The following LRCH4 variants were observed in gnomAD, a reference collection of about 807,000 sequenced individuals.
LRCH4 encodes the protein leucine rich repeats and calponin homology domain containing 4, also known as leucine-rich repeat and calponin homology domain-containing protein 4.
A neutral mutation model predicts 81.2 loss-of-function variants in LRCH4; 56 were observed. That is an observed-to-expected ratio of 0.69 (90% CI 0.56 to 0.86). The LOEUF (loss-of-function observed/expected upper bound fraction) is 0.86. LRCH4 is among the 40% of genes least tolerant of loss of function. LRCH4 has a pLI of 0.00. For missense variants in LRCH4, 895 were observed against 922.8 expected, an observed-to-expected ratio of 0.97 and a Z score of 0.39; for synonymous variants, 442 against 409.7, an observed-to-expected ratio of 1.08 and a Z score of -0.95.
rs374012289 is a variant in LRCH4 at position 100,577,550 on chromosome 7, T to G, written c.1125A>C (p.Arg375=). The G allele has an allele frequency of 9.9e-6, 16 of 1,610,594 alleles. No homozygotes were observed. The African/African-American group carries it at 1.7e-4, about 17-fold the overall frequency. ...CTGCCCCAGGGCTTAATTCGGGTGG[T>G]CGCTGCTCCTAAGGAGAGAACAGCA... ...DEERGTVEEQ[R]PPELSPGAGD... The change falls in exon 10 of 18, where the codon CGA becomes CGC. Residue 375 remains arginine (R), a synonymous_variant. Coordinates refer to ENST00000310300, the MANE Select transcript of LRCH4 (RefSeq NM_002319.5). This position sits in a 1 kb window ranked among gnomAD's most constrained non-coding sequence, Gnocchi z 6.7.
rs1041258314 is a variant in LRCH4 at position 100,575,511 on chromosome 7, A to G, written c.1854+194T>C. On this transcript the variant is annotated intron_variant, in intron 17 of 17. Coordinates refer to ENST00000310300, the MANE Select transcript of LRCH4 (RefSeq NM_002319.5). The surrounding 1 kb of genome is among the most constrained non-coding windows in gnomAD (Gnocchi z 5.3). ...ACATGCAGGACAAGATGGGGCCTGC[A>G]GGGCAGGGGATGTGTAGGACAGGTG... 3.5e-6 allele frequency: 3 copies of G among 854,280 alleles called. No individual in the cohort carries two copies. Among genetic ancestry groups the G allele is most frequent in the Non-Finnish European group, 3.9e-6 (2 of 507,152 alleles). 52.9% of individuals were successfully genotyped at this position (854,280 alleles called of 1,614,324 possible).
At position 100,579,026 on chromosome 7, in the gene LRCH4, G is replaced by A. The variant is rs1189592625; in HGVS notation, c.599-240C>T. The A allele has an allele frequency of 7.4e-6, 4 of 541,892 alleles. No homozygotes were observed. In the Admixed American group the frequency reaches 1.4e-4, roughly 19 times the overall value. The allele number at this position is 541,892 out of a possible 1,614,324, so 33.6% of individuals were successfully genotyped here. On this transcript the variant is annotated intron_variant, in intron 4 of 17. Coordinates refer to ENST00000310300, the MANE Select transcript of LRCH4 (RefSeq NM_002319.5). ...TCTGGACGTCAGCTCAGCTTCCCCG[G>A]GAAGGCCCATCCGGACGTCAGGTCC...
At chr7:100,580,783 A>T (rs771965237) in intron 4 of LRCH4, 1 of 128,240 alleles carries the variant, frequency 7.8e-6, no homozygotes, top group South Asian at 2.3e-4. Flanking sequence ...CAACACACGA[A>T]CAGACACAGA....
At chr7:100,581,057 G>A (rs547188293) in intron 4 of LRCH4, among the ~76,000 whole-genome samples, 3 of 152,348 alleles carry the variant, frequency 2.0e-5, no homozygotes, top group African/African-American at 7.2e-5. Context: ...ATCTCCGGGA[G>A]GAGTGGCGGA....
Position 100,578,595 on chromosome 7 carries a change from C to A in LRCH4, c.735+55G>T. The A allele has an allele frequency of 6.2e-7, 1 of 1,602,990 alleles. No homozygotes were observed. The highest frequency in any genetic ancestry group is 1.3e-5 in the African/African-American group (1 of 74,906). On this transcript the variant is annotated intron_variant, in intron 5 of 17. Coordinates refer to ENST00000310300, the MANE Select transcript of LRCH4 (RefSeq NM_002319.5). This position sits in a 1 kb window ranked among gnomAD's most constrained non-coding sequence, Gnocchi z 5.7. Reference sequence around the variant, plus strand: ...GCTCAGCTATCCAAGGGGACCAACCCCACTCCTGCCTAGCCACACCCCTGT... The same window carrying A: ...GCTCAGCTATCCAAGGGGACCAACCACACTCCTGCCTAGCCACACCCCTGT...
rs1801632567 is a variant in LRCH4, at chr7:100,583,761, GGA to G, written c.221-1304_221-1303del. Among the ~76,000 whole-genome samples the G allele has an allele frequency of 6.6e-6, 1 of 152,146 alleles. No homozygotes were observed. The highest frequency in any genetic ancestry group is 1.5e-5 in the Non-Finnish European group (1 of 68,028). ...GATGACCGTTCTGGAGAGGGTGGGG[GGA>G]TGGCATTTGCCCCTCCCAGCCTCGC... On this transcript the variant is annotated intron_variant, in intron 1 of 17. Coordinates refer to ENST00000310300, the MANE Select transcript of LRCH4 (RefSeq NM_002319.5). The surrounding 1 kb of genome is among the most constrained non-coding windows in gnomAD (Gnocchi z 4.3).
In LRCH4 at chr7:100,577,765, G is replaced by C. The variant is rs762193280; in HGVS notation, c.1040-25C>G. On this transcript the variant is annotated intron_variant, in intron 8 of 17. Transcript: ENST00000310300. The surrounding 1 kb of genome is among the most constrained non-coding windows in gnomAD (Gnocchi z 6.7). ...GCTGGGGAGGCCAGCATGTCAGCAA[G>C]TGAGCGGGGACCCAGGCCCTGGTCC... is the stretch of plus-strand genomic sequence containing the variant. The C allele has an allele frequency of 8.7e-6, 14 of 1,613,916 alleles. No homozygotes were observed. Among genetic ancestry groups the C allele is most frequent in the Non-Finnish European group, 1.1e-5 (13 of 1,179,900 alleles).
intron 4 of LRCH4, chr7:100,581,487 C>T: frequency 2.9e-6 from 1 of 343,800 alleles, no homozygotes; most frequent in South Asian, 3.5e-5. Flanking sequence ...GAGGGTGGAG[C>T]CCTCATCAGT....
At position 100,575,453 on chromosome 7, in the gene LRCH4, G is replaced by A. The variant is rs1288120835; in HGVS notation, c.1855-149C>T. ...TGGGCAGGGGGAGTGCAGTGCAGGA[G>A]GAGTGCAGGGCAGGGCATGTGCAGG... is the stretch of plus-strand genomic sequence containing the variant. On this transcript the variant is annotated intron_variant, in intron 17 of 17. Transcript: ENST00000310300. The surrounding 1 kb of genome is among the most constrained non-coding windows in gnomAD (Gnocchi z 5.3). 3 of 858,908 alleles carry A rather than the reference G, an allele frequency of 3.5e-6. No homozygotes were observed. Among genetic ancestry groups the A allele is most frequent in the Non-Finnish European group, 3.8e-6 (2 of 528,392 alleles). The allele number at this position is 858,908 out of a possible 1,614,324, so 53.2% of individuals were successfully genotyped here. A position where few individuals can be genotyped will look rare whatever the true frequency, so the allele number is the denominator to read the frequency against.
rs954463042 is a variant in LRCH4, at chr7:100,576,328, G to T, written c.1553-5C>A. On this transcript the variant is annotated splice_region_variant and splice_polypyrimidine_tract_variant and intron_variant, in intron 14 of 17. Coordinates refer to ENST00000310300, the MANE Select transcript of LRCH4 (RefSeq NM_002319.5). ...CAGAGTCTGGTGAGGAAGGGCCTAG[G>T]AGAAAAAGGGGGGCATGGGGCTGCC... 1 of 1,611,354 alleles carries T rather than the reference G, an allele frequency of 6.2e-7. No individual in the cohort carries two copies. Among genetic ancestry groups the T allele is most frequent in the Admixed American group, 1.7e-5 (1 of 59,976 alleles).
chr7:100,576,049 G>A (rs1395290348), intron 15 of LRCH4, 41 bp from the exon 16 acceptor site: 6 of 1,575,192 alleles, frequency 3.8e-6, no homozygotes, highest in East Asian at 2.3e-5. Context: ...CAGGGAAGGA[G>A]AGGCGTCTGG....
chr7:100,577,066 G>A lies in LRCH4; in HGVS notation c.1364+20C>T, dbSNP rs1272853564. On this transcript the variant is annotated intron_variant, in intron 12 of 17. Transcript: ENST00000310300. The surrounding 1 kb of genome is among the most constrained non-coding windows in gnomAD (Gnocchi z 6.7). ...GTCATAGGAAGAGGAGTGGGGAGGG[G>A]ATGCTGGCAGGAAACCTACTTGTGC... 2 of 1,614,030 alleles carry A rather than the reference G, an allele frequency of 1.2e-6. No individual in the cohort carries two copies. The highest frequency in any genetic ancestry group is 1.3e-5 in the African/African-American group (1 of 74,910).
At position 100,585,986 on chromosome 7, in the gene LRCH4, C is replaced by T. The variant is rs149959065; in HGVS notation, c.115G>A (p.Glu39Lys). ...AGGGTCCCGGTGGCCACGGCCTCCTCTAGGGCCCGCTCTGCACTGCGTCTC... is the reference window on the plus strand; with the variant it reads ...AGGGTCCCGGTGGCCACGGCCTCCTTTAGGGCCCGCTCTGCACTGCGTCTC... ...PGRRSAERALEEAVATGTLNL... is the reference protein window; with the variant it reads ...PGRRSAERALKEAVATGTLNL... The change falls in exon 1 of 18, where the codon GAG (glutamate) becomes AAG (lysine). Residue 39 changes from glutamate to lysine, a missense_variant. This residue lies in a region of LRCH4 where 360 missense variants were observed against 397.0 expected (regional missense o/e 0.91). Transcript: ENST00000310300. 7.7e-4 allele frequency: 1,235 copies of T among 1,612,166 alleles called. 1 individual carries two copies. The highest frequency in any genetic ancestry group is 8.8e-4 in the Admixed American group (53 of 59,946).
intron 1 of LRCH4, chr7:100,584,241 C>G (rs759869201): frequency 4.4e-6 from 2 of 456,466 alleles, no homozygotes. Context: ...CCCTTTCTGT[C>G]CCTGCTTGCG....
chr7:100,586,066 C>G lies in LRCH4; in HGVS notation c.35G>C (p.Gly12Ala). The change falls in exon 1 of 18, where the codon GGG becomes GCG. Residue 12 changes from glycine (G) to alanine (A), a missense_variant. By Grantham distance (60) the Gly-to-Ala change is moderately conservative. Coordinates refer to ENST00000310300, the MANE Select transcript of LRCH4 (RefSeq NM_002319.5). ...GGTCGTGGCTGCCGCCTCCTCACCCCCGGCGGCGAGTGGAGCCGCTACGGC... is the reference window on the plus strand; with the variant it reads ...GGTCGTGGCTGCCGCCTCCTCACCCGCGGCGGCGAGTGGAGCCGCTACGGC... ...AAAVAAPLAAGGEEAAATTSV... is the reference protein window; with the variant it reads ...AAAVAAPLAAAGEEAAATTSV... The G allele has an allele frequency of 3.2e-6, 5 of 1,561,990 alleles. No individual in the cohort carries two copies. Among genetic ancestry groups the G allele is most frequent in the Non-Finnish European group, 4.3e-6 (5 of 1,155,190 alleles).
chr7:100,578,360 A>G lies in LRCH4; in HGVS notation c.848+39T>C. 3 of 1,602,716 alleles carry G rather than the reference A, an allele frequency of 1.9e-6. No homozygotes were observed. Among genetic ancestry groups the G allele is most frequent in the South Asian group, 1.1e-5 (1 of 90,788 alleles). ...TGCCTGGGGCCGGGAAGGGGCATTC[A>G]GTATCCCAGGGCTTCCTTCCTCCCC... On this transcript the variant is annotated intron_variant, in intron 6 of 17. Coordinates refer to ENST00000310300, the MANE Select transcript of LRCH4 (RefSeq NM_002319.5). This position sits in a 1 kb window ranked among gnomAD's most constrained non-coding sequence, Gnocchi z 5.7.
Position 100,575,223 on chromosome 7 carries a change from C to A in LRCH4, c.1936G>T (p.Gly646Trp), listed in dbSNP as rs758611206. Residue 646 changes from glycine to tryptophan, a missense_variant, in exon 18 of 18, where the codon GGG becomes TGG. Gly to Trp is a radical substitution (Grantham distance 184). Around this residue, in one of 3 missense-constraint regions of LRCH4, gnomAD observed 529 missense variants for 504.9 expected, o/e 1.05. Transcript: ENST00000310300. The surrounding 1 kb of genome is among the most constrained non-coding windows in gnomAD (Gnocchi z 5.3). ...CAGAGGGGCGGTAGGGCCTTGCCCC[C>A]CACCCGCTTCACGGCCTCCAGCGCG... ...RTALEAVKRV[G>W]GKALPPLWPP... 1.2e-6 allele frequency: 2 copies of A among 1,608,060 alleles called. No individual in the cohort carries two copies. Among genetic ancestry groups the A allele is most frequent in the Non-Finnish European group, 1.7e-6 (2 of 1,177,390 alleles).
At position 100,578,071 on chromosome 7, in the gene LRCH4, C is replaced by G. The variant is rs562329983; in HGVS notation, c.948+88G>C. The G allele has an allele frequency of 2.2e-3, 3,057 of 1,411,732 alleles. 82 individuals are homozygous for G. The South Asian group carries it at 0.034, about 15-fold the overall frequency. The allele number at this position is 1,411,732 out of a possible 1,614,324, so 87.5% of individuals were successfully genotyped here. A position where few individuals can be genotyped will look rare whatever the true frequency, so the allele number is the denominator to read the frequency against. The stretch of plus-strand genomic sequence containing the variant: ...GGAAGAGGACAGCTCCAGCCTCTGC[C>G]TGGCACCCTGCAATTTGGAGGTCCC... On this transcript the variant is annotated intron_variant, in intron 7 of 17. Transcript: ENST00000310300. This position sits in a 1 kb window ranked among gnomAD's most constrained non-coding sequence, Gnocchi z 5.7.
At position 100,577,817 on chromosome 7, in the gene LRCH4, C is replaced by T; in HGVS notation, c.1039+5G>A. 1 of 1,612,864 alleles carries T rather than the reference C, an allele frequency of 6.2e-7. No homozygotes were observed. The highest frequency in any genetic ancestry group is 8.5e-7 in the Non-Finnish European group (1 of 1,178,964). ...GCCCAGCTCCCGGCCAGCCCTGCTACTCACCTGAGCCATCCTCCTTGCGTT... is the reference window on the plus strand; with the variant it reads ...GCCCAGCTCCCGGCCAGCCCTGCTATTCACCTGAGCCATCCTCCTTGCGTT... On this transcript the variant is annotated splice_donor_5th_base_variant and intron_variant, in intron 8 of 17. Transcript: ENST00000310300. The surrounding 1 kb of genome is among the most constrained non-coding windows in gnomAD (Gnocchi z 6.7).
Sources: gnomAD v4.1 joint callset for allele counts (sites outside exome capture counted in the v4.1 genomes callset) on GRCh38, gnomAD v4.1.1 for gene constraint, gnomAD v4.1.1 regional missense constraint, Gnocchi (gnomAD v3.1) non-coding constraint, MANE v1.5 for transcripts, NCBI Gene and HGNC (gene_info 2026-07-23, HGNC 2026-07-21) for gene names.